PDE3A: variants seen among roughly 807,000 people sequenced by gnomAD.
PDE3A encodes the protein cGMP-inhibited 3',5'-cyclic phosphodiesterase 3A.
A neutral mutation model predicts 98.3 loss-of-function variants in PDE3A; 43 were observed. The observed-to-expected ratio is 0.44, with a 90% CI of 0.34 to 0.56. The LOEUF is 0.56. Among genes scored for constraint, PDE3A ranks in the 20% least tolerant of loss-of-function variants. The pLI is 0.01. For missense variants in PDE3A, 1,427 were observed against 1,440.7 expected, an observed-to-expected ratio of 0.99 and a Z score of 0.15; for synonymous variants, 663 against 567.9, an observed-to-expected ratio of 1.17 and a Z score of -2.38.
At chr12:20,434,409 C>T (rs1167231303) in intron 1 of PDE3A, among the ~76,000 whole-genome samples, 1 of 152,088 alleles carries the variant, frequency 6.6e-6, no homozygotes, top group African/African-American at 2.4e-5. Context: ...TGCTATCTAT[C>T]TTCATTTAAG....
intron 2 of PDE3A, among the ~76,000 whole-genome samples, chr12:20,596,509 G>A (rs1434515915): frequency 6.6e-6 from 1 of 152,110 alleles, no homozygotes; most frequent in Non-Finnish European, 1.5e-5. Context: ...CAGACTTGTA[G>A]ACAGATACAT....
intron 1 of PDE3A, among the ~76,000 whole-genome samples, chr12:20,480,864 C>T (rs1220429118): frequency 6.6e-6 from 1 of 152,186 alleles, no homozygotes; most frequent in Non-Finnish European, 1.5e-5. Context: ...AGGCAGAACG[C>T]CATTCAGGTT....
intron 1 of PDE3A, among the ~76,000 whole-genome samples, chr12:20,459,276 C>T (rs1945206206): frequency 6.6e-6 from 1 of 151,714 alleles, no homozygotes; most frequent in African/African-American, 2.4e-5. Flanking sequence ...TTCAACTATC[C>T]CGGAGGTAGA....
At chr12:20,679,278 C>T (rs1321740474) in intron 15 of PDE3A, among the ~76,000 whole-genome samples, 5 of 152,106 alleles carry the variant, frequency 3.3e-5, no homozygotes, top group Admixed American at 6.5e-5. Flanking sequence ...GATGGAATCT[C>T]GCTCTGTTGC....
intron 5 of PDE3A, 65 bp downstream of exon 5, chr12:20,621,476 T>G (rs1944136414): frequency 1.2e-6 from 1 of 856,064 alleles, no homozygotes; most frequent in Non-Finnish European, 2.0e-6. Flanking sequence ...AACCAGACCT[T>G]AAGCGTTGAA....
intron 1 of PDE3A, among the ~76,000 whole-genome samples, chr12:20,389,110 CA>C (rs1288061930): frequency 5.3e-5 from 8 of 151,928 alleles, no homozygotes; most frequent in African/African-American, 1.9e-4. Context: ...TCAATCATTC[CA>C]CCCAGTTTTT....
chr12:20,400,379 G>GTTTTTTTTTTTTTTTT lies in PDE3A; in HGVS notation c.960+30165_960+30180dup, dbSNP rs75851941. 2.6e-4 allele frequency among the ~76,000 whole-genome samples: 29 copies of GTTTTTTTTTTTTTTTT among 110,274 alleles called. 2 individuals carry two copies. The highest frequency in any genetic ancestry group is 3.1e-4 in the Non-Finnish European group (18 of 57,398). The allele number at this position is 110,274 out of a possible 152,430, so 72.3% of individuals were successfully genotyped here. A position where few individuals can be genotyped will look rare whatever the true frequency, so the allele number is the denominator to read the frequency against. On this transcript the variant is annotated intron_variant, in intron 1 of 15. Coordinates refer to ENST00000359062, the MANE Select transcript of PDE3A (RefSeq NM_000921.5). The stretch of plus-strand genomic sequence containing the variant: ...AGCTCATGTTGACTCGTTAACATTG[G>GTTTTTTTTTTTTTTTT]TTTTTTTTTTTTTTTTTTTTTTTTT...
At chr12:20,421,024 T>G (rs971652338) in intron 1 of PDE3A, among the ~76,000 whole-genome samples, 1 of 152,058 alleles carries the variant, frequency 6.6e-6, no homozygotes, top group Non-Finnish European at 1.5e-5. Context: ...TCATTAGAGG[T>G]ATTTAAGAGC....
At chr12:20,619,630 C>T (rs938333335) in intron 4 of PDE3A, among the ~76,000 whole-genome samples, 2 of 152,048 alleles carry the variant, frequency 1.3e-5, no homozygotes, top group Admixed American at 6.6e-5. Flanking sequence ...TTTCTTTCAG[C>T]TCATTATTTC....
intron 2 of PDE3A, among the ~76,000 whole-genome samples, chr12:20,563,999 TATCATAGTAGGGATATTGCTGACA>T (rs1267575005): frequency 5.3e-5 from 8 of 152,168 alleles, no homozygotes; most frequent in Admixed American, 2.6e-4. Context: ...TTAGCAAATC[TATCATAGTAGGGATATTGCTGACA>T]ATCATAGTAG....
At chr12:20,642,801 C>A (rs1383870770) in intron 10 of PDE3A, among the ~76,000 whole-genome samples, 2 of 151,866 alleles carry the variant, frequency 1.3e-5, no homozygotes, top group African/African-American at 4.8e-5. Flanking sequence ...GCTAGAGGGG[C>A]AGAACTACCA....
rs1452368322 is a variant in PDE3A, at chr12:20,680,795, A to T, written c.*524A>T. 1 of 150,896 alleles carries T rather than the reference A, an allele frequency of 6.6e-6. No homozygotes were observed. Among genetic ancestry groups the T allele is most frequent in the Middle Eastern group, 3.4e-3 (1 of 290 alleles). The allele number at this position is 150,896 out of a possible 1,614,324, so 9.3% of individuals were successfully genotyped here. A position where few individuals can be genotyped will look rare whatever the true frequency, so the allele number is the denominator to read the frequency against. On this transcript the variant is annotated 3_prime_UTR_variant, in exon 16 of 16. Transcript: ENST00000359062. ...TACTGAGGGATGAAAGTTCCAGAGCATTATTTGAATTCTGATACATCCTGC... is the reference window on the plus strand; with the variant it reads ...TACTGAGGGATGAAAGTTCCAGAGCTTTATTTGAATTCTGATACATCCTGC...
At chr12:20,610,618 A>T (rs1325033873) in intron 2 of PDE3A, among the ~76,000 whole-genome samples, 1 of 152,012 alleles carries the variant, frequency 6.6e-6, no homozygotes, top group Non-Finnish European at 1.5e-5. Flanking sequence ...TACCATAAGC[A>T]TCTGTCCATG....
chr12:20,654,954 A>G (rs532830405), intron 15 of PDE3A, among the ~76,000 whole-genome samples: 2 of 152,210 alleles, frequency 1.3e-5, no homozygotes, highest in African/African-American at 4.8e-5. Flanking sequence ...ACAGACATTT[A>G]TTGAGCATCT....
At chr12:20,392,331 A>G (rs1435938703) in intron 1 of PDE3A, among the ~76,000 whole-genome samples, 1 of 151,928 alleles carries the variant, frequency 6.6e-6, no homozygotes, top group East Asian at 1.9e-4. Flanking sequence ...TATTAAAACA[A>G]TTTGACAAAT....
intron 1 of PDE3A, among the ~76,000 whole-genome samples, chr12:20,523,779 T>C (rs578057045): frequency 2.1e-4 from 32 of 152,332 alleles, no homozygotes; most frequent in African/African-American, 7.0e-4. Flanking sequence ...AAGTAAAAAA[T>C]GTTTTTAAAA....
At chr12:20,643,302 G>T (rs950386530) in intron 10 of PDE3A, among the ~76,000 whole-genome samples, 1 of 152,082 alleles carries the variant, frequency 6.6e-6, no homozygotes, top group Non-Finnish European at 1.5e-5. Flanking sequence ...AGAAGAAGAG[G>T]AATCTTTGAG....
At chr12:20,427,947 T>G (rs1944628186) in intron 1 of PDE3A, among the ~76,000 whole-genome samples, 1 of 152,144 alleles carries the variant, frequency 6.6e-6, no homozygotes. Flanking sequence ...GGCTCATTCC[T>G]GTAATCCCAG....
Position 20,650,634 on chromosome 12 carries a change from T to C in PDE3A, c.2925+34T>C, listed in dbSNP as rs78361015. ...CCACTGTTTAATACAGCTTAATCTG[T>C]ACTTACAGGTTGCTCATGAATTGCT... On this transcript the variant is annotated intron_variant, in intron 14 of 15. Transcript: ENST00000359062. 4.9e-4 allele frequency: 688 copies of C among 1,404,442 alleles called. 11 individuals carry two copies. The East Asian group carries it at 0.012, about 25-fold the overall frequency. 87.0% of individuals were successfully genotyped at this position (1,404,442 alleles called of 1,614,324 possible).
Sources: allele counts gnomAD v4.1 joint callset (sites outside exome capture counted in the v4.1 genomes callset), GRCh38; gene constraint gnomAD v4.1.1; transcripts MANE v1.5; gene names NCBI Gene and HGNC (gene_info 2026-07-23, HGNC 2026-07-21).